Variants in AGTPBP1 observed in about 807,000 individuals in gnomAD.
AGTPBP1 encodes the protein ATP/GTP binding carboxypeptidase 1.
A neutral mutation model predicts 143.9 loss-of-function variants in AGTPBP1; 70 were observed. That is an observed-to-expected ratio of 0.49 (90% CI 0.40 to 0.59). AGTPBP1 has a LOEUF of 0.59. AGTPBP1 is among the 20% of genes least tolerant of loss of function. The probability of loss-of-function intolerance (pLI) is 0.00; values close to 1 mark genes in which losing one functional copy is unlikely to be tolerated. For missense variants in AGTPBP1, 1,229 were observed against 1,464.5 expected, an observed-to-expected ratio of 0.84 and a Z score of 2.62; for synonymous variants, 463 against 500.2, an observed-to-expected ratio of 0.93 and a Z score of 0.99.
At chr9:85,577,298 A>AT (rs1342553672) in intron 24 of AGTPBP1, among the ~76,000 whole-genome samples, 2 of 152,220 alleles carry the variant, frequency 1.3e-5, no homozygotes, top group African/African-American at 4.8e-5. Flanking sequence ...GCCTAACTGC[A>AT]TAAGTCATCT....
chr9:85,803,079 A>G, the AGTPBP1 span, among the ~76,000 whole-genome samples: 2 of 152,218 alleles, frequency 1.3e-5, no homozygotes, highest in Non-Finnish European at 2.9e-5. Context: ...AGCAACTGGA[A>G]GAGAACTACT....
At chr9:85,685,609 C>G (rs1835442360) in intron 3 of AGTPBP1, among the ~76,000 whole-genome samples, 1 of 151,936 alleles carries the variant, frequency 6.6e-6, no homozygotes, top group African/African-American at 2.4e-5. Context: ...CCACAGCCAA[C>G]CTGAACTACT....
At chr9:85,636,547 G>A (rs1433663439) in intron 13 of AGTPBP1, among the ~76,000 whole-genome samples, 4 of 151,840 alleles carry the variant, frequency 2.6e-5, no homozygotes, top group Non-Finnish European at 2.9e-5. Flanking sequence ...TTGAGCCACC[G>A]CACCTGGCCC....
At chr9:85,771,515 A>G in the AGTPBP1 span, among the ~76,000 whole-genome samples, 1 of 152,152 alleles carries the variant, frequency 6.6e-6, no homozygotes, top group African/African-American at 2.4e-5. Flanking sequence ...AATAAGATAA[A>G]TGAAAATGTT....
chr9:85,740,370 G>A (rs920487206), intron 1 of AGTPBP1, among the ~76,000 whole-genome samples: 4 of 152,128 alleles, frequency 2.6e-5, no homozygotes, highest in Non-Finnish European at 5.9e-5. Flanking sequence ...AAGTGGAATG[G>A]GAAAAAGAGC....
chr9:85,702,564 G>GTT (rs563827349), intron 2 of AGTPBP1, among the ~76,000 whole-genome samples: 2 of 138,616 alleles, frequency 1.4e-5, no homozygotes, highest in African/African-American at 2.6e-5. Flanking sequence ...TACATCATCA[G>GTT]TTTTTTTTTT....
At chr9:85,765,333 T>C in the AGTPBP1 span, among the ~76,000 whole-genome samples, 2 of 152,154 alleles carry the variant, frequency 1.3e-5, no homozygotes, top group East Asian at 1.9e-4. Context: ...AAGAGATGCC[T>C]AAGGAATTAG....
intron 2 of AGTPBP1, among the ~76,000 whole-genome samples, chr9:85,699,613 A>G (rs896963471): frequency 1.3e-5 from 2 of 150,456 alleles, no homozygotes; most frequent in African/African-American, 4.9e-5. Flanking sequence ...AAAAAAAAAA[A>G]CCATAAAAAC....
Position 85,589,567 on chromosome 9 carries a change from T to C in AGTPBP1, c.2683A>G (p.Met895Val), listed in dbSNP as rs1828825612. The C allele has an allele frequency of 3.1e-6, 5 of 1,612,050 alleles. No homozygotes were observed. Among genetic ancestry groups the C allele is most frequent in the African/African-American group, 1.3e-5 (1 of 74,798 alleles). The change falls in exon 20 of 26, where the codon ATG (methionine) becomes GTG (valine). Residue 895 changes from methionine (M) to valine (V), a missense_variant. By Grantham distance (21) the Met-to-Val change is conservative. This residue lies in a region of AGTPBP1 where 486 missense variants were observed against 652.3 expected (regional missense o/e 0.75). Coordinates refer to ENST00000357081, the MANE Select transcript of AGTPBP1 (RefSeq NM_001330701.2). Reference sequence around the variant, plus strand: ...TGTTCATAATAATTAGACTCTGGCATTGCTGTTATAGTCACCAAGGGGCAG... The same window carrying C: ...TGTTCATAATAATTAGACTCTGGCACTGCTGTTATAGTCACCAAGGGGCAG... ...NSCPLVTITA[M>V]PESNYYEHIC...
chr9:85,677,356 A>C (rs2134124251), intron 6 of AGTPBP1, 80 bp downstream of exon 6: 1 of 1,290,242 alleles, frequency 7.8e-7, no homozygotes, highest in East Asian at 2.4e-5. Flanking sequence ...ATTTTTAAAA[A>C]CTGAGTAGTT....
At chr9:85,713,441 G>C (rs1226437970) in intron 1 of AGTPBP1, among the ~76,000 whole-genome samples, 1 of 152,200 alleles carries the variant, frequency 6.6e-6, no homozygotes, top group East Asian at 1.9e-4. Flanking sequence ...TGAGACAGGA[G>C]AATCACTTGA....
intron 25 of AGTPBP1, among the ~76,000 whole-genome samples, chr9:85,559,614 G>A (rs1826572937): frequency 7.3e-6 from 1 of 137,076 alleles, no homozygotes; most frequent in Non-Finnish European, 1.5e-5. Context: ...GCAGAAACTA[G>A]GGACTGATAA....
Position 85,557,181 on chromosome 9 carries a change from T to C in AGTPBP1, c.3504-9895A>G, listed in dbSNP as rs564486004. ...TCATCAAATTCCTTACATAGCTAAGTCTTCCAGACTAATAATCACTAATTT... is the reference window on the plus strand; with the variant it reads ...TCATCAAATTCCTTACATAGCTAAGCCTTCCAGACTAATAATCACTAATTT... On this transcript the variant is annotated intron_variant, in intron 25 of 25. Coordinates refer to ENST00000357081, the MANE Select transcript of AGTPBP1 (RefSeq NM_001330701.2). Among the ~76,000 whole-genome samples, 26 of 152,296 alleles carry C rather than the reference T, an allele frequency of 1.7e-4. No homozygotes were observed. The South Asian group carries it at 5.2e-3, about 30-fold the overall frequency.
At chr9:85,766,164 G>C in the AGTPBP1 span, among the ~76,000 whole-genome samples, 1 of 150,782 alleles carries the variant, frequency 6.6e-6, no homozygotes, top group African/African-American at 2.4e-5. Flanking sequence ...TGTTTCCCTT[G>C]AGAAATTAAT....
At chr9:85,598,973 C>A (rs1375206084) in intron 17 of AGTPBP1, among the ~76,000 whole-genome samples, 2 of 152,314 alleles carry the variant, frequency 1.3e-5, no homozygotes, top group African/African-American at 4.8e-5. Context: ...CCGCCCGCCT[C>A]GGCCTCCCAG....
the AGTPBP1 span, among the ~76,000 whole-genome samples, chr9:85,798,362 C>CTTTTTTTTTTTTT: frequency 1.7e-5 from 2 of 119,266 alleles, no homozygotes; most frequent in African/African-American, 3.0e-5. Flanking sequence ...CCTCCAAGTT[C>CTTTTTTTTTTTTT]TTTTTTTTTT....
chr9:85,577,407 T>C (rs536240356), intron 24 of AGTPBP1, among the ~76,000 whole-genome samples: 2 of 152,306 alleles, frequency 1.3e-5, no homozygotes, highest in South Asian at 4.1e-4. Flanking sequence ...TCAAGTTTTT[T>C]CCCCATCCCA....
chr9:85,600,969 C>T (rs1829629850), intron 17 of AGTPBP1, among the ~76,000 whole-genome samples: 1 of 152,206 alleles, frequency 6.6e-6, no homozygotes, highest in African/African-American at 2.4e-5. Context: ...GTCCCCTACC[C>T]ACAGCCACCA....
intron 17 of AGTPBP1, among the ~76,000 whole-genome samples, chr9:85,603,771 C>T (rs1829818477): frequency 6.6e-6 from 1 of 152,128 alleles, no homozygotes; most frequent in Non-Finnish European, 1.5e-5. Context: ...AAGGGAGAGA[C>T]CCAGGCCTGA....
Sources: gnomAD v4.1 joint callset for allele counts (sites outside exome capture counted in the v4.1 genomes callset) on GRCh38, gnomAD v4.1.1 for gene constraint, gnomAD v4.1.1 regional missense constraint, MANE v1.5 for transcripts, NCBI Gene and HGNC (gene_info 2026-07-23, HGNC 2026-07-21) for gene names.